ANKS1B: variants seen among roughly 807,000 people sequenced by gnomAD.
ANKS1B encodes the protein ankyrin repeat and sterile alpha motif domain-containing protein 1B.
A neutral mutation model predicts 148.3 loss-of-function variants in ANKS1B; 36 were observed. That is an observed-to-expected ratio of 0.24 (90% CI 0.19 to 0.32). The LOEUF is 0.32. Ranked by LOEUF, ANKS1B falls within the 10% of genes least tolerant of loss-of-function variation. The pLI, the probability that ANKS1B is intolerant of heterozygous loss-of-function variation, is 1.00. For synonymous variants in ANKS1B, 542 were observed against 560.8 expected (o/e 0.97, Z 0.47); for missense variants, 1,157 against 1,542.6 (o/e 0.75, Z 4.19).
At position 98,904,957 on chromosome 12, in the gene ANKS1B, A is replaced by T. The variant is rs56690081; in HGVS notation, c.2779-72821T>A. Among the ~76,000 whole-genome samples the T allele has an allele frequency of 5.1e-3, 780 of 152,218 alleles. 10 individuals are homozygous for T. The highest frequency in any genetic ancestry group is 0.018 in the African/African-American group (743 of 41,530). On this transcript the variant is annotated intron_variant, in intron 17 of 26. Transcript: ENST00000683438. ...TTAGAATTAAGTCCAGGATGTATGT[A>T]TGCCTCTGAGATCTGTAATTTCTTC...
intron 9 of ANKS1B, among the ~76,000 whole-genome samples, chr12:99,638,610 C>T (rs1047120343): frequency 6.6e-6 from 1 of 152,062 alleles, no homozygotes; most frequent in Non-Finnish European, 1.5e-5. Flanking sequence ...TATTTGCAGC[C>T]TGACAATGTG....
rs544873338 is a variant in ANKS1B, at chr12:98,929,051, C to A, written c.2779-96915G>T. On this transcript the variant is annotated intron_variant, in intron 17 of 26. Coordinates refer to ENST00000683438, the MANE Select transcript of ANKS1B (RefSeq NM_001352186.2). Reference sequence around the variant, plus strand: ...TATAGAAAACCCTAATACACACACACACACACACACACACACACACAAGTT... The same window carrying A: ...TATAGAAAACCCTAATACACACACAAACACACACACACACACACACAAGTT... Among the ~76,000 whole-genome samples the A allele has an allele frequency of 1.0e-4, 15 of 148,200 alleles. No individual in the cohort carries two copies. In the South Asian group the frequency reaches 3.3e-3, roughly 32 times the overall value.
intron 23 of ANKS1B, 42 bp downstream of exon 23, chr12:98,782,084 A>AT: frequency 6.4e-7 from 1 of 1,552,752 alleles, no homozygotes; most frequent in South Asian, 1.2e-5. Context: ...TGCCCTCTAT[A>AT]TATACTAGTA....
intron 1 of ANKS1B, among the ~76,000 whole-genome samples, chr12:99,937,972 T>C (rs911130771): frequency 6.6e-6 from 1 of 152,082 alleles, no homozygotes; most frequent in Non-Finnish European, 1.5e-5. Context: ...TGATGTCAGG[T>C]GGGCTCTGAA....
intron 17 of ANKS1B, among the ~76,000 whole-genome samples, chr12:98,925,231 G>A (rs554271905): frequency 6.6e-6 from 1 of 152,286 alleles, no homozygotes; most frequent in Non-Finnish European, 1.5e-5. Flanking sequence ...ACTGTTAATA[G>A]TAACAATATG....
At chr12:99,879,509 C>T (rs182957516) in intron 1 of ANKS1B, among the ~76,000 whole-genome samples, 1 of 152,264 alleles carries the variant, frequency 6.6e-6, no homozygotes, top group East Asian at 1.9e-4. Flanking sequence ...CATCATCTCT[C>T]CCTCACAATC....
intron 17 of ANKS1B, among the ~76,000 whole-genome samples, chr12:98,970,149 T>C (rs1184159904): frequency 5.9e-5 from 9 of 152,226 alleles, no homozygotes; most frequent in African/African-American, 4.8e-5. Flanking sequence ...CTTCTCAATA[T>C]GTATTTACAT....
Position 99,724,313 on chromosome 12 carries a change from A to G in ANKS1B, c.1128+48609T>C, listed in dbSNP as rs556378739. 2.0e-5 allele frequency among the ~76,000 whole-genome samples: 3 copies of G among 152,346 alleles called. No homozygotes were observed. The East Asian group carries it at 5.8e-4, about 29-fold the overall frequency. On this transcript the variant is annotated intron_variant, in intron 8 of 26. Transcript: ENST00000683438. ...AACCAGTTTAGAGAGGAACATAAAT[A>G]ACCTGATGGAGCTGAAAAACACAGC...
At chr12:98,740,040 C>T (rs968009820), downstream of ANKS1B, among the ~76,000 whole-genome samples, 3 of 152,020 alleles carry the variant, frequency 2.0e-5, no homozygotes, top group Middle Eastern at 6.3e-3. Flanking sequence ...CTTTGGGCGA[C>T]GCATACACCC....
intron 17 of ANKS1B, among the ~76,000 whole-genome samples, chr12:98,998,959 G>A (rs1019412693): frequency 5.3e-5 from 8 of 152,146 alleles, no homozygotes; most frequent in African/African-American, 1.9e-4. Context: ...GCTGAGATAG[G>A]CCTTAAAGTA....
At chr12:99,698,178 A>G (rs1363018768) in intron 8 of ANKS1B, among the ~76,000 whole-genome samples, 2 of 152,156 alleles carry the variant, frequency 1.3e-5, no homozygotes, top group Non-Finnish European at 2.9e-5. Flanking sequence ...ATAATTTGCT[A>G]AAAACAAAAA....
chr12:99,953,904 T>C (rs1013053300), intron 1 of ANKS1B, among the ~76,000 whole-genome samples: 1 of 152,152 alleles, frequency 6.6e-6, no homozygotes, highest in African/African-American at 2.4e-5. Context: ...AGAGCAAGAA[T>C]GAAATTTATA....
At chr12:99,448,396 C>T (rs973510702) in intron 10 of ANKS1B, among the ~76,000 whole-genome samples, 4 of 152,084 alleles carry the variant, frequency 2.6e-5, no homozygotes, top group East Asian at 1.9e-4. Flanking sequence ...TAAACAAAGT[C>T]GAACTCACAG....
intron 10 of ANKS1B, among the ~76,000 whole-genome samples, chr12:99,450,367 G>A (rs907247554): frequency 3.3e-5 from 5 of 152,122 alleles, no homozygotes; most frequent in Non-Finnish European, 4.4e-5. Context: ...ATAATGTTTA[G>A]CCAAATGTGT....
intron 14 of ANKS1B, among the ~76,000 whole-genome samples, chr12:99,183,102 C>T (rs570039623): frequency 6.6e-6 from 1 of 152,120 alleles, no homozygotes; most frequent in South Asian, 2.1e-4. Flanking sequence ...TTTTCTCCCA[C>T]TCTATGGGTT....
chr12:99,552,376 A>G (rs1278017621), intron 9 of ANKS1B, among the ~76,000 whole-genome samples: 1 of 152,244 alleles, frequency 6.6e-6, no homozygotes, highest in African/African-American at 2.4e-5. Context: ...AAGTAAATGA[A>G]TAGACAAATG....
chr12:99,233,818 T>C (rs1601904029), intron 14 of ANKS1B, among the ~76,000 whole-genome samples: 1 of 152,098 alleles, frequency 6.6e-6, no homozygotes, highest in African/African-American at 2.4e-5. Context: ...TGATGACCCA[T>C]AGAGACTGCT....
chr12:98,832,232 G>T, intron 17 of ANKS1B, 96 bp from the exon 18 acceptor site: 1 of 953,756 alleles, frequency 1.0e-6, no homozygotes, highest in Admixed American at 2.4e-5. Flanking sequence ...TTTGTGCAAA[G>T]TTACTCCTGC....
intron 16 of ANKS1B, among the ~76,000 whole-genome samples, chr12:99,065,507 T>C (rs1006517504): frequency 6.6e-6 from 1 of 152,122 alleles, no homozygotes; most frequent in East Asian, 1.9e-4. Flanking sequence ...GTACAAAATA[T>C]GTCATTCACA....
Sources: gnomAD v4.1 joint callset for allele counts (sites outside exome capture counted in the v4.1 genomes callset) on GRCh38, gnomAD v4.1.1 for gene constraint, MANE v1.5 for transcripts, NCBI Gene and HGNC (gene_info 2026-07-23, HGNC 2026-07-21) for gene names.